Variants in ZNF25 observed in about 807,000 individuals in gnomAD.
ZNF25 encodes zinc finger protein 25 (KOX 19).
Under a neutral mutation model 30.9 loss-of-function variants are expected in ZNF25, and 21 were observed. The observed-to-expected ratio is 0.68, with a 90% CI of 0.48 to 0.98. The LOEUF (loss-of-function observed/expected upper bound fraction) is 0.98, where lower values mean the gene tolerates loss of function less well. Ranked by LOEUF, ZNF25 falls within the 50% of genes least tolerant of loss-of-function variation. The pLI is 0.00. For synonymous variants in ZNF25, 169 were observed against 181.3 expected, an observed-to-expected ratio of 0.93 and a Z score of 0.55; for missense variants, 501 against 529.9, an observed-to-expected ratio of 0.95 and a Z score of 0.54.
At position 37,957,121 on chromosome 10, in the gene ZNF25, A is replaced by C; in HGVS notation, c.143-6T>G. ...TGGCTTATTCACATGGTAACCTATG[A>C]ATGGAAAATATCAAGGAAATGATAC... On this transcript the variant is annotated splice_polypyrimidine_tract_variant and splice_region_variant and intron_variant, in intron 3 of 5. Transcript: ENST00000302609. 1.9e-6 allele frequency: 3 copies of C among 1,610,782 alleles called. No homozygotes were observed. The highest frequency in any genetic ancestry group is 2.5e-6 in the Non-Finnish European group (3 of 1,177,384).
In ZNF25 at chr10:37,953,192, A is replaced by T. The variant is rs2062284510; in HGVS notation, c.306T>A (p.Asn102Lys). ...TTTTCTGATGTTTTGTGAGTTCTCC[A>T]TTCCTAGACAGAAAGTTCCACATTC... ...YQESQAGNSRNGELTKHQKTH... is the reference protein window; with the variant it reads ...YQESQAGNSRKGELTKHQKTH... The change falls in exon 6 of 6, where the codon AAT (asparagine) becomes AAA (lysine). Residue 102 changes from asparagine to lysine, a missense_variant. Coordinates refer to ENST00000302609, the MANE Select transcript of ZNF25 (RefSeq NM_145011.4). 3 of 1,572,976 alleles carry T rather than the reference A, an allele frequency of 1.9e-6. No homozygotes were observed. Among genetic ancestry groups the T allele is most frequent in the Non-Finnish European group, 2.6e-6 (3 of 1,166,440 alleles).
At chr10:37,974,786 C>T (rs565812042) in intron 1 of ZNF25, among the ~76,000 whole-genome samples, 40 of 152,060 alleles carry the variant, frequency 2.6e-4, no homozygotes, top group African/African-American at 9.6e-4. Flanking sequence ...AAGGGAAATC[C>T]GTATATTGAA....
chr10:37,957,635 A>G, intron 2 of ZNF25, 89 bp from the exon 3 acceptor site: 1 of 1,395,120 alleles, frequency 7.2e-7, no homozygotes. Flanking sequence ...TTAGTGTACT[A>G]ACTGCAAAGT....
intron 2 of ZNF25, among the ~76,000 whole-genome samples, chr10:37,965,170 G>A (rs1185995063): frequency 1.2e-4 from 18 of 152,184 alleles, no homozygotes. Flanking sequence ...AGGATGTACT[G>A]GAAAGCCTTG....
rs1298510770 is a variant in ZNF25, at chr10:37,951,295, T to C, written c.*832A>G. The C allele has an allele frequency of 6.6e-6, 1 of 152,482 alleles. No homozygotes were observed. The highest frequency in any genetic ancestry group is 2.4e-5 in the African/African-American group (1 of 41,468). The allele number at this position is 152,482 out of a possible 1,614,324, so 9.4% of individuals were successfully genotyped here. A position where few individuals can be genotyped will look rare whatever the true frequency, so the allele number is the denominator to read the frequency against. On this transcript the variant is annotated 3_prime_UTR_variant, in exon 6 of 6. Coordinates refer to ENST00000302609, the MANE Select transcript of ZNF25 (RefSeq NM_145011.4). ...CTGAACTAAGATTATATTATTTCGC[T>C]ATGTACCATTATGGATGGATTCCAC...
chr10:37,968,111 G>A (rs773539387), intron 2 of ZNF25, among the ~76,000 whole-genome samples: 6 of 152,222 alleles, frequency 3.9e-5, no homozygotes, highest in Non-Finnish European at 7.3e-5. Context: ...AGGCTGGAGT[G>A]CAGTGGCGCC....
rs771044971 is a variant in ZNF25 at position 37,953,243 on chromosome 10, T to G, written c.303-48A>C. On this transcript the variant is annotated intron_variant, in intron 5 of 5. Transcript: ENST00000302609. ...ATTAATGTGTAAGACTTTTAAGGCT[T>G]TTTGTTCCCCCTGCTCCACTGGGCG... 52 of 1,512,150 alleles carry G rather than the reference T, an allele frequency of 3.4e-5. 1 individual carries two copies. In the South Asian group the frequency reaches 7.0e-4, roughly 20 times the overall value. The allele number at this position is 1,512,150 out of a possible 1,614,324, so 93.7% of individuals were successfully genotyped here.
chr10:37,970,015 G>C (rs1052490992), intron 2 of ZNF25, among the ~76,000 whole-genome samples: 2 of 152,192 alleles, frequency 1.3e-5, no homozygotes, highest in Non-Finnish European at 2.9e-5. Flanking sequence ...GCACCAGTTT[G>C]TATCAGCTCA....
Position 37,975,102 on chromosome 10 carries a change from C to G in ZNF25, c.-86+1404G>C, listed in dbSNP as rs550204294. On this transcript the variant is annotated intron_variant, in intron 1 of 5. Transcript: ENST00000302609. ...GATGTAGAATGATGGTTACCAGAGGCTGCGAAGGGAAGTAGGGAGTGAGGA... is the reference window on the plus strand; with the variant it reads ...GATGTAGAATGATGGTTACCAGAGGGTGCGAAGGGAAGTAGGGAGTGAGGA... 7.9e-5 allele frequency among the ~76,000 whole-genome samples: 12 copies of G among 152,160 alleles called. No individual in the cohort carries two copies. In the South Asian group the frequency reaches 2.5e-3, roughly 32 times the overall value.
Position 37,953,131 on chromosome 10 carries a change from A to C in ZNF25, c.367T>G (p.Cys123Gly), listed in dbSNP as rs1374391945. The C allele has an allele frequency of 1.2e-5, 19 of 1,610,678 alleles. No homozygotes were observed. The highest frequency in any genetic ancestry group is 1.6e-5 in the Non-Finnish European group (19 of 1,179,202). ...GACTTCTGGCAGAAGAACTTCCCAC[A>C]TTCCTTACATTCACAGGCTTTCTCT... ...TTEKACECKE[C>G]GKFFCQKSAL... Residue 123 changes from cysteine to glycine, a missense_variant, in exon 6 of 6, where the codon TGT (cysteine) becomes GGT (glycine). Coordinates refer to ENST00000302609, the MANE Select transcript of ZNF25 (RefSeq NM_145011.4).
intron 2 of ZNF25, among the ~76,000 whole-genome samples, chr10:37,970,404 A>G (rs1488764927): frequency 6.6e-6 from 1 of 152,198 alleles, no homozygotes; most frequent in Non-Finnish European, 1.5e-5. Context: ...GCAGAAGAAC[A>G]TTTGACAAAA....
intron 4 of ZNF25, among the ~76,000 whole-genome samples, chr10:37,956,776 C>G (rs1590205603): frequency 6.6e-6 from 1 of 151,888 alleles, no homozygotes; most frequent in African/African-American, 2.4e-5. Context: ...ATTAGCCAGG[C>G]TGGTGGTACA....
At chr10:37,963,693 C>T (rs2063019030) in intron 2 of ZNF25, among the ~76,000 whole-genome samples, 1 of 152,102 alleles carries the variant, frequency 6.6e-6, no homozygotes, top group Non-Finnish European at 1.5e-5. Flanking sequence ...AAGAGTCTGG[C>T]ACCAGGCGTG....
intron 2 of ZNF25, among the ~76,000 whole-genome samples, chr10:37,970,187 C>T (rs1260023499): frequency 6.6e-6 from 1 of 152,142 alleles, no homozygotes; most frequent in Non-Finnish European, 1.5e-5. Flanking sequence ...GTATATTGAT[C>T]ACTGATCAAT....
At chr10:37,962,371 A>G (rs1205549121) in intron 2 of ZNF25, among the ~76,000 whole-genome samples, 1 of 152,232 alleles carries the variant, frequency 6.6e-6, no homozygotes, top group Admixed American at 6.5e-5. Flanking sequence ...TATTTTGTAT[A>G]CTAAACTGTC....
At chr10:37,974,435 A>G (rs1454118430) in intron 1 of ZNF25, among the ~76,000 whole-genome samples, 1 of 152,214 alleles carries the variant, frequency 6.6e-6, no homozygotes, top group African/African-American at 2.4e-5. Flanking sequence ...AAAAAATTTG[A>G]TTTAAAAAAA....
At chr10:37,963,782 C>A (rs1320148221) in intron 2 of ZNF25, among the ~76,000 whole-genome samples, 1 of 152,116 alleles carries the variant, frequency 6.6e-6, no homozygotes, top group Non-Finnish European at 1.5e-5. Context: ...TGAGACCAGC[C>A]TGGCCAACAT....
intron 2 of ZNF25, among the ~76,000 whole-genome samples, chr10:37,963,691 G>T (rs2135387986): frequency 6.6e-6 from 1 of 152,236 alleles, no homozygotes; most frequent in African/African-American, 2.4e-5. Context: ...AAAAGAGTCT[G>T]GCACCAGGCG....
At chr10:37,953,319 A>G in intron 5 of ZNF25, 124 bp from the exon 6 acceptor site, 1 of 871,098 alleles carries the variant, frequency 1.1e-6, no homozygotes, top group South Asian at 1.8e-5. Flanking sequence ...TCCCATATTT[A>G]CTGGATCCAT....
Sources: allele counts gnomAD v4.1 joint callset (sites outside exome capture counted in the v4.1 genomes callset), GRCh38; gene constraint gnomAD v4.1.1; transcripts MANE v1.5; gene names NCBI Gene and HGNC (gene_info 2026-07-23, HGNC 2026-07-21).